Variants in SBNO2 observed in about 807,000 individuals in gnomAD.
The protein encoded by SBNO2 is protein strawberry notch homolog 2.
Under a neutral mutation model 146.3 loss-of-function variants are expected in SBNO2, and 89 were observed. The observed-to-expected ratio is 0.61, with a 90% confidence interval of 0.51 to 0.73. SBNO2 has a LOEUF of 0.73. Among genes scored for constraint, SBNO2 ranks in the 30% least tolerant of loss-of-function variants. The pLI is 0.00. For missense variants in SBNO2, 2,092 were observed against 2,003.7 expected, an observed-to-expected ratio of 1.04 and a Z score of -0.84; for synonymous variants, 1,147 against 892.6, an observed-to-expected ratio of 1.29 and a Z score of -5.08.
chr19:1,114,664 G>A (rs914723531), intron 17 of SBNO2, among the ~76,000 whole-genome samples: 2 of 152,128 alleles, frequency 1.3e-5, no homozygotes, highest in Admixed American at 6.5e-5. Context: ...TTTCTTTTGA[G>A]ACGGAGTCTT....
At chr19:1,171,280 G>A (rs562523447) in intron 1 of SBNO2, among the ~76,000 whole-genome samples, 2 of 152,006 alleles carry the variant, frequency 1.3e-5, no homozygotes, top group South Asian at 2.1e-4. Context: ...GCACACGTCC[G>A]TACGACGCAC....
rs377137815 is a variant in SBNO2 at position 1,114,233 on chromosome 19, C to T, written c.2075G>A (p.Arg692Gln). ...GGCCAGCCTGGGCAAGCCCTCACCCCGGTCGTCACTGGGGAGCCCGACTGC... is the reference window on the plus strand; with the variant it reads ...GGCCAGCCTGGGCAAGCCCTCACCCTGGTCGTCACTGGGGAGCCCGACTGC... Reference protein sequence around the residue: ...VDAVGLPSDDRGPLCLLQRDP... With the variant: ...VDAVGLPSDDQGPLCLLQRDP... The change falls in exon 18 of 32, where the codon CGG becomes CAG. Residue 692 changes from arginine (R) to glutamine (Q), a missense_variant and splice_region_variant. Coordinates refer to ENST00000361757, the MANE Select transcript of SBNO2 (RefSeq NM_014963.3). The T allele has an allele frequency of 2.0e-4, 294 of 1,485,948 alleles. 1 individual carries two copies. The highest frequency in any genetic ancestry group is 5.7e-5 in the Non-Finnish European group (63 of 1,109,390). 92.0% of individuals were successfully genotyped at this position (1,485,948 alleles called of 1,614,324 possible). A position where few individuals can be genotyped will look rare whatever the true frequency, so the allele number is the denominator to read the frequency against.
chr19:1,144,772 AGAGACAAAGAGACAGAGACAGAGAGG>A lies in SBNO2; in HGVS notation c.279+2511_279+2536del, dbSNP rs1210463344. On this transcript the variant is annotated intron_variant, in intron 4 of 31. Coordinates refer to ENST00000361757, the MANE Select transcript of SBNO2 (RefSeq NM_014963.3). This position sits in a 1 kb window ranked among gnomAD's most constrained non-coding sequence, Gnocchi z 4.1. ...GAGAGGGAGACAGAGAGACAGAGGCAGAGACAAAGAGACAGAGACAGAGAGGGAGACAGAGAGACAGAGACAGAGAG... is the reference window on the plus strand; with the variant it reads ...GAGAGGGAGACAGAGAGACAGAGGCAGAGACAGAGAGACAGAGACAGAGAG... 6.6e-6 allele frequency among the ~76,000 whole-genome samples: 1 copy of A among 151,004 alleles called. No homozygotes were observed. Among genetic ancestry groups the A allele is most frequent in the Non-Finnish European group, 1.5e-5 (1 of 67,668 alleles).
chr19:1,153,530 T>C (rs1234549255), intron 2 of SBNO2, among the ~76,000 whole-genome samples: 3 of 151,390 alleles, frequency 2.0e-5, no homozygotes, highest in Non-Finnish European at 2.9e-5. Flanking sequence ...TGAGCCACCG[T>C]GCCAGGCCTA....
At chr19:1,170,005 C>T (rs1401212051) in intron 1 of SBNO2, among the ~76,000 whole-genome samples, 5 of 152,040 alleles carry the variant, frequency 3.3e-5, no homozygotes, top group Non-Finnish European at 7.3e-5. Flanking sequence ...CGTGACCACA[C>T]GTCTACCCCC....
intron 3 of SBNO2, 127 bp from the exon 4 acceptor site, chr19:1,147,547 C>A (rs79899115): frequency 0.1 from 55,650 of 550,846 alleles, 3,573 homozygotes; most frequent in East Asian, 0.23. Context: ...CCCAGCCCGG[C>A]AGGACCCATG....
chr19:1,122,599 C>A, intron 9 of SBNO2, 41 bp from the exon 10 acceptor site: 1 of 1,316,070 alleles, frequency 7.6e-7, no homozygotes. Context: ...CCTTCCCCCT[C>A]GCCCCCCGCT....
At position 1,147,310 on chromosome 19, in the gene SBNO2, T is replaced by G; in HGVS notation, c.278A>C (p.Gln93Pro). ...SLPPKTCDFA[Q>P]DSSYFEDFSN... ...GCGGTGAGCTCCTGGGGCTCCTACCTGAGCAAAGTCGCAGGTCTTTGGTGG... is the reference window on the plus strand; with the variant it reads ...GCGGTGAGCTCCTGGGGCTCCTACCGGAGCAAAGTCGCAGGTCTTTGGTGG... The change falls in exon 4 of 32, where the codon CAG becomes CCG. Residue 93 changes from glutamine to proline, a missense_variant and splice_region_variant. Transcript: ENST00000361757. 2 of 1,577,474 alleles carry G rather than the reference T, an allele frequency of 1.3e-6. No individual in the cohort carries two copies. Among genetic ancestry groups the G allele is most frequent in the Non-Finnish European group, 1.7e-6 (2 of 1,163,240 alleles).
intron 1 of SBNO2, among the ~76,000 whole-genome samples, chr19:1,167,799 G>T (rs1276099958): frequency 6.6e-6 from 1 of 152,210 alleles, no homozygotes; most frequent in East Asian, 1.9e-4. Context: ...CTCAGCCTGC[G>T]GTCAGGCCGC....
At chr19:1,170,303 T>A (rs1279996827) in intron 1 of SBNO2, among the ~76,000 whole-genome samples, 2 of 152,080 alleles carry the variant, frequency 1.3e-5, no homozygotes, top group African/African-American at 4.8e-5. Context: ...TGACCACACC[T>A]CCCAGCAGGG....
chr19:1,113,487 A>T, intron 19 of SBNO2, 48 bp downstream of exon 19: 1 of 1,429,894 alleles, frequency 7.0e-7, no homozygotes, highest in African/African-American at 1.5e-5. Context: ...AGCCCCACCC[A>T]CTGCCCATGC....
At position 1,121,331 on chromosome 19, in the gene SBNO2, T is replaced by C. The variant is rs372423902; in HGVS notation, c.1149+808A>G. Among the ~76,000 whole-genome samples, 5 of 152,348 alleles carry C rather than the reference T, an allele frequency of 3.3e-5. No homozygotes were observed. The South Asian group carries it at 6.2e-4, about 19-fold the overall frequency. On this transcript the variant is annotated intron_variant, in intron 11 of 31. Transcript: ENST00000361757. ...AGGTATGATCTCAGGGTTATCGCTA[T>C]TTCGTAGATTGTTGCACATAGATTG...
intron 18 of SBNO2, 139 bp from the exon 19 acceptor site, chr19:1,113,843 G>C: frequency 8.7e-7 from 1 of 1,145,820 alleles, no homozygotes; most frequent in Non-Finnish European, 1.2e-6. Context: ...GGGAAGCCCG[G>C]CACCGTGGCC....
In SBNO2 at chr19:1,119,934, C is replaced by T. The variant is rs576858810; in HGVS notation, c.1239G>A (p.Leu413=). The T allele has an allele frequency of 3.9e-6, 6 of 1,549,180 alleles. No homozygotes were observed. Among genetic ancestry groups the T allele is most frequent in the Non-Finnish European group, 5.2e-6 (6 of 1,147,016 alleles). Residue 413 remains leucine, a synonymous_variant, in exon 12 of 32, where the codon CTG becomes CTA. Transcript: ENST00000361757. ...TGGCGCTGGCGTAGACCACGCGGGC[C>T]AGGGGCAGCTTGTTCTGCAGGTCTA... The part of the protein sequence containing the change: ...AVLDLQNKLP[L]ARVVYASATG...
chr19:1,128,709 G>A (rs559600258), intron 4 of SBNO2, among the ~76,000 whole-genome samples: 2 of 150,578 alleles, frequency 1.3e-5, no homozygotes, highest in Non-Finnish European at 3.0e-5. Flanking sequence ...GATGTCTCAC[G>A]CCTGTAATCC....
At chr19:1,154,162 CG>C in intron 2 of SBNO2, 21 bp downstream of exon 2, 4 of 1,165,952 alleles carry the variant, frequency 3.4e-6, no homozygotes, top group Non-Finnish European at 4.3e-6. Context: ...TCGGGTGGGC[CG>C]GGGCCGGGGG....
chr19:1,162,241 C>CCT (rs113533103), intron 1 of SBNO2, among the ~76,000 whole-genome samples: 1 of 116,644 alleles, frequency 8.6e-6, no homozygotes, highest in Admixed American at 9.0e-5. Flanking sequence ...GGGTGGATCA[C>CCT]GAGGTCAGGA....
chr19:1,172,633 C>A (rs1273353429), intron 1 of SBNO2, among the ~76,000 whole-genome samples: 1 of 152,196 alleles, frequency 6.6e-6, no homozygotes, highest in East Asian at 1.9e-4. Flanking sequence ...GAGGAAGAGG[C>A]CTGGAAGAAA....
intron 5 of SBNO2, among the ~76,000 whole-genome samples, chr19:1,124,855 G>T (rs2079947255): frequency 6.6e-6 from 1 of 152,100 alleles, no homozygotes. Context: ...CGAACTGACT[G>T]GGCGTGTAAA....
Sources: gnomAD v4.1 joint callset for allele counts (sites outside exome capture counted in the v4.1 genomes callset) on GRCh38, gnomAD v4.1.1 for gene constraint, Gnocchi (gnomAD v3.1) non-coding constraint, MANE v1.5 for transcripts, NCBI Gene and HGNC (gene_info 2026-07-23, HGNC 2026-07-21) for gene names.